APC2: variants seen among roughly 807,000 people sequenced by gnomAD.
APC2 encodes the protein adenomatous polyposis coli protein 2.
Under a neutral mutation model 72.5 loss-of-function variants are expected in APC2, and 41 were observed. The observed-to-expected ratio is 0.57, with a 90% CI of 0.44 to 0.73. The LOEUF is 0.73. APC2 is among the 30% of genes least tolerant of loss of function. The pLI is 0.00. For synonymous variants in APC2, 1,898 were observed against 1,612.0 expected, an observed-to-expected ratio of 1.18 and a Z score of -4.25; for missense variants, 3,729 against 3,403.4, an observed-to-expected ratio of 1.10 and a Z score of -2.38.
Position 1,453,352 on chromosome 19 carries a change from C to T in APC2, c.232+15C>T. ...GCAGCTGAAGGGTGAGCGGTGGGGC[C>T]ACCCGCAGAGGGAGTGGGGGAGGCT... On this transcript the variant is annotated intron_variant, in intron 3 of 14. Transcript: ENST00000590469. 2 of 1,610,740 alleles carry T rather than the reference C, an allele frequency of 1.2e-6. No homozygotes were observed. Among genetic ancestry groups the T allele is most frequent in the South Asian group, 2.2e-5 (2 of 90,872 alleles).
chr19:1,457,764 C>T (rs1396629788), intron 9 of APC2: 1 of 605,460 alleles, frequency 1.7e-6, no homozygotes, highest in African/African-American at 1.9e-5. Context: ...AACTACCTCG[C>T]CTCCCTTCCC....
rs772905617 is a variant in APC2, at chr19:1,467,108, C to A, written c.3807C>A (p.Asp1269Glu). The change falls in exon 15 of 15, where the codon GAC (aspartate) becomes GAA (glutamate). Residue 1269 changes from aspartate to glutamate, a missense_variant. Asp to Glu is a conservative substitution (Grantham distance 45, BLOSUM62 2). Coordinates refer to ENST00000590469, the MANE Select transcript of APC2 (RefSeq NM_005883.3). ...TGCGCTTTACCGTGGAGAAGCCAGA[C>A]GAGAACTTCTCGTGCGCCTCCAGCC... ...GSVRFTVEKPDENFSCASSLS... is the reference protein window; with the variant it reads ...GSVRFTVEKPEENFSCASSLS... The A allele has an allele frequency of 1.9e-6, 3 of 1,601,688 alleles. No homozygotes were observed. Among genetic ancestry groups the A allele is most frequent in the Non-Finnish European group, 1.7e-6 (2 of 1,173,558 alleles).
At chr19:1,462,875 A>G (rs1489060721) in intron 14 of APC2, among the ~76,000 whole-genome samples, 3 of 147,852 alleles carry the variant, frequency 2.0e-5, no homozygotes, top group African/African-American at 7.5e-5. Context: ...GGAGGCTGAG[A>G]CAGGAGAATG....
Position 1,466,448 on chromosome 19 carries a change from T to G in APC2, c.3147T>G (p.Ser1049=). The change falls in exon 15 of 15, where the codon TCT becomes TCG. Residue 1049 remains serine, a synonymous_variant. Transcript: ENST00000590469. ...VPEKLAAAPL[S]VASKALQKLA... ...AGAAGCTGGCGGCTGCCCCGCTGTC[T>G]GTGGCCAGCAAGGCACTGCAGAAAC... is the stretch of plus-strand genomic sequence containing the variant. 1 of 1,597,814 alleles carries G rather than the reference T, an allele frequency of 6.3e-7. No individual in the cohort carries two copies.
At chr19:1,458,329 C>G in intron 10 of APC2, 1 of 528,222 alleles carries the variant, frequency 1.9e-6, no homozygotes, top group Non-Finnish European at 3.4e-6. Context: ...GGGCTCAGAA[C>G]AGGGAACGGA....
At chr19:1,449,847 G>T (rs2083721334), upstream of APC2, among the ~76,000 whole-genome samples, 2 of 152,188 alleles carry the variant, frequency 1.3e-5, no homozygotes, top group South Asian at 4.1e-4. Context: ...CTCCAATTCT[G>T]CAAATCCAGA....
At chr19:1,448,203 CCT>C (rs1236023597), upstream of APC2, among the ~76,000 whole-genome samples, 2 of 152,104 alleles carry the variant, frequency 1.3e-5, no homozygotes, top group Non-Finnish European at 2.9e-5. Context: ...CCAGACACCC[CCT>C]GTGTCCCAAG....
In APC2 at chr19:1,467,579, A is replaced by G. The variant is rs751822626; in HGVS notation, c.4278A>G (p.Gln1426=). 6.6e-7 allele frequency: 1 copy of G among 1,513,106 alleles called. No homozygotes were observed. Among genetic ancestry groups the G allele is most frequent in the South Asian group, 1.2e-5 (1 of 81,084 alleles). The allele number at this position is 1,513,106 out of a possible 1,614,324, so 93.7% of individuals were successfully genotyped here. ...AGCCCGGGGGACCAGCGGGCAGGCA[A>G]AGACCCACCGGCCGCCCCACCTCTG... is the stretch of plus-strand genomic sequence containing the variant. ...RDQPGGPAGR[Q]RPTGRPTSAR... is the part of the protein sequence containing the mutation. Residue 1426 remains glutamine, a synonymous_variant, in exon 15 of 15, where the codon CAA becomes CAG. Transcript: ENST00000590469.
chr19:1,452,460 G>A lies in APC2; in HGVS notation c.-18-524G>A, dbSNP rs1046073965. The A allele has an allele frequency of 1.9e-5, 3 of 161,832 alleles. No homozygotes were observed. The highest frequency in any genetic ancestry group is 3.1e-3 in the Middle Eastern group (1 of 324). The allele number at this position is 161,832 out of a possible 1,614,324, so 10.0% of individuals were successfully genotyped here. A position where few individuals can be genotyped will look rare whatever the true frequency, so the allele number is the denominator to read the frequency against. Reference sequence around the variant, plus strand: ...CTTCGTGGTGTTTTCATTGTCCATCGGCAGGGACAGCTGGTGGTCTGTCCG... The same window carrying A: ...CTTCGTGGTGTTTTCATTGTCCATCAGCAGGGACAGCTGGTGGTCTGTCCG... On this transcript the variant is annotated intron_variant, in intron 1 of 14. Coordinates refer to ENST00000590469, the MANE Select transcript of APC2 (RefSeq NM_005883.3). This position sits in a 1 kb window ranked among gnomAD's most constrained non-coding sequence, Gnocchi z 5.1.
upstream of APC2, among the ~76,000 whole-genome samples, chr19:1,446,834 G>T (rs576149931): frequency 6.6e-6 from 1 of 152,256 alleles, no homozygotes; most frequent in African/African-American, 2.4e-5. This position sits in a 1 kb window ranked among gnomAD's most constrained non-coding sequence, Gnocchi z 6.1. Flanking sequence ...GTTCGTATCC[G>T]TCCGCTCCCG....
rs1166037211 is a variant in APC2, at chr19:1,455,227, G to A, written c.492G>A (p.Lys164=). ...WYYSQLQGLS[K]RLDELPHVET... ...ACTCTCAGCTGCAGGGCCTGTCCAAGCGCCTGGACGAGCTGCCGCACGTGG... is the reference window on the plus strand; with the variant it reads ...ACTCTCAGCTGCAGGGCCTGTCCAAACGCCTGGACGAGCTGCCGCACGTGG... Residue 164 remains lysine (K), a synonymous_variant, in exon 5 of 15, where the codon AAG becomes AAA. Coordinates refer to ENST00000590469, the MANE Select transcript of APC2 (RefSeq NM_005883.3). 2.5e-6 allele frequency: 4 copies of A among 1,580,100 alleles called. No individual in the cohort carries two copies. Among genetic ancestry groups the A allele is most frequent in the African/African-American group, 1.4e-5 (1 of 72,264 alleles).
chr19:1,461,002 C>G, intron 12 of APC2, 35 bp from the exon 13 acceptor site: 1 of 1,610,234 alleles, frequency 6.2e-7, no homozygotes, highest in Non-Finnish European at 8.5e-7. Context: ...GGCCTGGACC[C>G]TAGTCCCACC....
At chr19:1,464,553 C>G (rs1308492266) in intron 14 of APC2, among the ~76,000 whole-genome samples, 1 of 151,454 alleles carries the variant, frequency 6.6e-6, no homozygotes, top group Non-Finnish European at 1.5e-5. Flanking sequence ...GAAACTTTCT[C>G]TCAGAAAAGA....
intron 1 of APC2, 118 bp downstream of exon 1, chr19:1,450,456 T>A: frequency 1.2e-6 from 1 of 835,002 alleles, no homozygotes; most frequent in Non-Finnish European, 1.4e-6. Flanking sequence ...TTCCCCAGAG[T>A]GGGAGCTGGA....
chr19:1,460,801 G>A lies in APC2; in HGVS notation c.1465G>A (p.Gly489Ser), dbSNP rs35991061. ...ACAGGCCACCCTGTGTGCGCGCCGC[G>A]GCTGCATGGAGGCCATCGTGGCCCA... ...ANKATLCARRGCMEAIVAQLA... is the reference protein window; with the variant it reads ...ANKATLCARRSCMEAIVAQLA... Residue 489 changes from glycine to serine, a missense_variant, in exon 12 of 15, where the codon GGC (glycine) becomes AGC (serine). Transcript: ENST00000590469. 9.4e-5 allele frequency: 151 copies of A among 1,613,184 alleles called. No homozygotes were observed. Among genetic ancestry groups the A allele is most frequent in the African/African-American group, 5.5e-4 (41 of 75,058 alleles).
At chr19:1,457,715 A>G (rs2083857553) in intron 9 of APC2, 1 of 569,158 alleles carries the variant, frequency 1.8e-6, no homozygotes, top group East Asian at 3.0e-5. Flanking sequence ...TTATTTTTAA[A>G]AAGGGCAGAA....
intron 1 of APC2, among the ~76,000 whole-genome samples, chr19:1,451,010 T>C (rs760142954): frequency 6.6e-6 from 1 of 152,148 alleles, no homozygotes; most frequent in Non-Finnish European, 1.5e-5. Context: ...TGGGGAGCCA[T>C]GGAAGGTGTT....
chr19:1,466,656 G>A lies in APC2; in HGVS notation c.3355G>A (p.Ala1119Thr). 6.7e-7 allele frequency: 1 copy of A among 1,495,302 alleles called. No individual in the cohort carries two copies. The allele number at this position is 1,495,302 out of a possible 1,614,324, so 92.6% of individuals were successfully genotyped here. The change falls in exon 15 of 15, where the codon GCC becomes ACC. Residue 1119 changes from alanine (A) to threonine (T), a missense_variant. Physicochemically the swap from Ala to Thr is moderately conservative, Grantham distance 58 (BLOSUM62 0). Coordinates refer to ENST00000590469, the MANE Select transcript of APC2 (RefSeq NM_005883.3). ...ELDSTWRAPG[A>T]TSLPVAIPAP... ...GGACAGCACGTGGCGGGCGCCCGGGGCCACCTCGCTGCCCGTAGCCATTCC... is the reference window on the plus strand; with the variant it reads ...GGACAGCACGTGGCGGGCGCCCGGGACCACCTCGCTGCCCGTAGCCATTCC...
Position 1,470,397 on chromosome 19 carries a change from C to T in APC2, c.*184C>T, listed in dbSNP as rs2145266995. Reference sequence around the variant, plus strand: ...CTCGCGCCTCACCGGAAGACCTTGCCTCTGTGCCGCGGAGGTCCAGGAGGA... The same window carrying T: ...CTCGCGCCTCACCGGAAGACCTTGCTTCTGTGCCGCGGAGGTCCAGGAGGA... On this transcript the variant is annotated 3_prime_UTR_variant, in exon 15 of 15. Transcript: ENST00000590469. 2.2e-6 allele frequency: 2 copies of T among 894,734 alleles called. No homozygotes were observed. Among genetic ancestry groups the T allele is most frequent in the Non-Finnish European group, 3.2e-6 (2 of 627,954 alleles). 55.4% of individuals were successfully genotyped at this position (894,734 alleles called of 1,614,324 possible). A position where few individuals can be genotyped will look rare whatever the true frequency, so the allele number is the denominator to read the frequency against.
Sources: gnomAD v4.1 joint callset for allele counts (sites outside exome capture counted in the v4.1 genomes callset) on GRCh38, gnomAD v4.1.1 for gene constraint, Gnocchi (gnomAD v3.1) non-coding constraint, MANE v1.5 for transcripts, NCBI Gene and HGNC (gene_info 2026-07-23, HGNC 2026-07-21) for gene names.